The following MMP16 variants were observed in gnomAD, a reference collection of about 807,000 sequenced individuals.
MMP16 encodes the protein matrix metalloproteinase-16.
MMP16 carries 12 observed loss-of-function variants against 67.8 expected under a neutral mutation model. The observed-to-expected ratio is 0.18, with a 90% CI of 0.11 to 0.29. The LOEUF is 0.29. MMP16 is among the 10% of genes least tolerant of loss of function. MMP16 has a pLI of 1.00. For missense variants in MMP16, 475 were observed against 765.7 expected (o/e 0.62, Z 4.48); for synonymous variants, 249 against 255.9 (o/e 0.97, Z 0.26).
chr8:88,179,852 CAT>C (rs1808950248), intron 3 of MMP16, among the ~76,000 whole-genome samples: 1 of 152,072 alleles, frequency 6.6e-6, no homozygotes, highest in South Asian at 2.1e-4. Flanking sequence ...AAAATGAAAA[CAT>C]ATAAAATGGT....
intron 2 of MMP16, among the ~76,000 whole-genome samples, chr8:88,194,206 A>T (rs1809215171): frequency 6.6e-6 from 1 of 152,064 alleles, no homozygotes; most frequent in South Asian, 2.1e-4. Context: ...GATTCAATGC[A>T]TCCCATGTCT....
chr8:88,102,509 C>T (rs1459143148), intron 6 of MMP16, among the ~76,000 whole-genome samples: 2 of 151,796 alleles, frequency 1.3e-5, no homozygotes, highest in African/African-American at 4.8e-5. Context: ...TCTCCAAACC[C>T]TGTCCATTTT....
chr8:88,116,241 C>A (rs1809431723), intron 6 of MMP16, among the ~76,000 whole-genome samples: 1 of 152,070 alleles, frequency 6.6e-6, no homozygotes, highest in Non-Finnish European at 1.5e-5. Context: ...TTTATCTCTT[C>A]ATAACATGCA....
rs1808101381 is a variant in MMP16 at position 88,039,407 on chromosome 8, C to T, written c.*2054G>A. The T allele has an allele frequency of 6.6e-6, 1 of 152,520 alleles. No individual in the cohort carries two copies. The highest frequency in any genetic ancestry group is 2.4e-5 in the African/African-American group (1 of 41,440). The allele number at this position is 152,520 out of a possible 1,614,324, so 9.4% of individuals were successfully genotyped here. Reference sequence around the variant, plus strand: ...TCTGCAGATCTGCCATCACCACTCTCTCCACTCTAAGGAAACAGCTCATGC... The same window carrying T: ...TCTGCAGATCTGCCATCACCACTCTTTCCACTCTAAGGAAACAGCTCATGC... On this transcript the variant is annotated 3_prime_UTR_variant, in exon 10 of 10. Transcript: ENST00000286614. The surrounding 1 kb of genome is among the most constrained non-coding windows in gnomAD (Gnocchi z 4.5).
chr8:88,161,801 C>T (rs1013208485), intron 4 of MMP16, among the ~76,000 whole-genome samples: 2 of 152,074 alleles, frequency 1.3e-5, no homozygotes, highest in Admixed American at 6.6e-5. Flanking sequence ...GCCTTCATTT[C>T]GTTATGCACC....
chr8:88,326,060 T>C (rs1278096284), intron 1 of MMP16, among the ~76,000 whole-genome samples: 1 of 152,166 alleles, frequency 6.6e-6, no homozygotes, highest in African/African-American at 2.4e-5. Flanking sequence ...AAAAATCACA[T>C]TATTCCTTAA....
intron 6 of MMP16, among the ~76,000 whole-genome samples, chr8:88,104,806 A>G (rs1184227260): frequency 6.6e-6 from 1 of 151,490 alleles, no homozygotes; most frequent in Non-Finnish European, 1.5e-5. Context: ...TCCTGACACT[A>G]TGTAGGCCTA....
At chr8:88,162,523 A>G (rs1563550650) in intron 4 of MMP16, among the ~76,000 whole-genome samples, 1 of 152,076 alleles carries the variant, frequency 6.6e-6, no homozygotes, top group African/African-American at 2.4e-5. Flanking sequence ...TTGACTGTCC[A>G]TATCAAGTCC....
chr8:88,291,610 G>A (rs1023331050), intron 1 of MMP16, among the ~76,000 whole-genome samples: 5 of 152,128 alleles, frequency 3.3e-5, no homozygotes, highest in African/African-American at 1.2e-4. Flanking sequence ...TTCAGTAGAG[G>A]CAAACTGAAA....
chr8:88,060,839 A>AAAG (rs1808389527), intron 7 of MMP16, among the ~76,000 whole-genome samples: 1 of 152,064 alleles, frequency 6.6e-6, no homozygotes, highest in African/African-American at 2.4e-5. Context: ...TTACTGATGC[A>AAAG]AAGAACCATG....
At chr8:88,212,071 A>G (rs28904630) in intron 1 of MMP16, among the ~76,000 whole-genome samples, 9,623 of 152,162 alleles carry the variant, frequency 0.063, 329 homozygotes, top group African/African-American at 0.077. Flanking sequence ...GCCTTGACCA[A>G]TCAAGTCCTA....
In MMP16 at chr8:88,038,226, CTT is replaced by C. The variant is rs1808080974; in HGVS notation, c.*3233_*3234del. ...TTTGTGATTACATTGTCCTTATTGT[CTT>C]CTTATCTCTTGTAATAGTACAGCCT... On this transcript the variant is annotated 3_prime_UTR_variant, in exon 10 of 10. Coordinates refer to ENST00000286614, the MANE Select transcript of MMP16 (RefSeq NM_005941.5). The surrounding 1 kb of genome is among the most constrained non-coding windows in gnomAD (Gnocchi z 4.1). The C allele has an allele frequency of 6.6e-6, 1 of 151,948 alleles. No individual in the cohort carries two copies. The highest frequency in any genetic ancestry group is 6.6e-5 in the Admixed American group (1 of 15,224). 9.4% of individuals were successfully genotyped at this position (151,948 alleles called of 1,614,324 possible).
At chr8:88,104,474 C>T (rs1017583885) in intron 6 of MMP16, among the ~76,000 whole-genome samples, 8 of 151,502 alleles carry the variant, frequency 5.3e-5, no homozygotes, top group African/African-American at 1.2e-4. Context: ...TTCCAATTGC[C>T]TAGTGATGAT....
Position 88,115,033 on chromosome 8 carries a change from C to T in MMP16, c.1083+1474G>A, listed in dbSNP as rs564323985. On this transcript the variant is annotated intron_variant, in intron 6 of 9. Transcript: ENST00000286614. The stretch of plus-strand genomic sequence containing the variant: ...GATCACTAGATATGAAGACACCAGG[C>T]TCCTCTGAAATCAGCAACCTACTTA... Among the ~76,000 whole-genome samples, 12 of 152,048 alleles carry T rather than the reference C, an allele frequency of 7.9e-5. No individual in the cohort carries two copies. The East Asian group carries it at 2.1e-3, about 27-fold the overall frequency.
chr8:88,192,946 A>G (rs1809193413), intron 2 of MMP16, among the ~76,000 whole-genome samples: 1 of 152,166 alleles, frequency 6.6e-6, no homozygotes, highest in Non-Finnish European at 1.5e-5. Flanking sequence ...ATCCTTATAC[A>G]CTACTGATGG....
intron 4 of MMP16, among the ~76,000 whole-genome samples, chr8:88,149,588 C>A (rs1346285725): frequency 1.3e-5 from 2 of 151,942 alleles, no homozygotes; most frequent in Non-Finnish European, 2.9e-5. Flanking sequence ...GAGGCACCCC[C>A]CAGCAGGGGC....
chr8:88,098,794 T>G (rs753233867), intron 6 of MMP16, among the ~76,000 whole-genome samples: 5 of 151,858 alleles, frequency 3.3e-5, no homozygotes, highest in Non-Finnish European at 7.4e-5. Flanking sequence ...ATTTTGTAAG[T>G]ATGTAAGAAA....
chr8:88,305,771 G>C (rs990682315), intron 1 of MMP16, among the ~76,000 whole-genome samples: 1 of 152,080 alleles, frequency 6.6e-6, no homozygotes, highest in Non-Finnish European at 1.5e-5. Flanking sequence ...CAGAATCTCT[G>C]GGACACAGCT....
chr8:88,075,938 TAC>T lies in MMP16; in HGVS notation c.1084-1197_1084-1196del, dbSNP rs71556442. ...GATTTATCAATTACTCATATATTCA[TAC>T]ACACACACACACACACACACACACA... On this transcript the variant is annotated intron_variant, in intron 6 of 9. Transcript: ENST00000286614. Among the ~76,000 whole-genome samples, 42 of 140,500 alleles carry T rather than the reference TAC, an allele frequency of 3.0e-4. 1 individual carries two copies. Among genetic ancestry groups the T allele is most frequent in the East Asian group, 6.5e-4 (3 of 4,622 alleles). 92.2% of individuals were successfully genotyped at this position (140,500 alleles called of 152,430 possible). A position where few individuals can be genotyped will look rare whatever the true frequency, so the allele number is the denominator to read the frequency against.
Sources: gnomAD v4.1 joint callset for allele counts (sites outside exome capture counted in the v4.1 genomes callset) on GRCh38, gnomAD v4.1.1 for gene constraint, Gnocchi (gnomAD v3.1) non-coding constraint, MANE v1.5 for transcripts, NCBI Gene and HGNC (gene_info 2026-07-23, HGNC 2026-07-21) for gene names.